AIM2: variants seen among roughly 807,000 people sequenced by gnomAD.
AIM2 encodes the protein absent in melanoma 2, also known as interferon-inducible protein AIM2.
A neutral mutation model predicts 27.7 loss-of-function variants in AIM2; 30 were observed. The ratio of observed to expected loss-of-function variants is 1.08; its 90% CI spans 0.81 to 1.47. The LOEUF is 1.47. AIM2 is among the 40% of genes most tolerant of loss of function. AIM2 has a pLI of 0.00. For missense variants in AIM2, 358 were observed against 411.3 expected (o/e 0.87, Z 1.12); for synonymous variants, 141 against 145.3 (o/e 0.97, Z 0.21).
At chr1:159,062,411 A>T, downstream of AIM2, 1 of 487,014 alleles carries the variant, frequency 2.1e-6, no homozygotes, top group Non-Finnish European at 3.7e-6. Context: ...TATAAACATC[A>T]TATAATACAT....
At chr1:159,101,993 G>T (rs1657322427) in intron 1 of AIM2, among the ~76,000 whole-genome samples, 1 of 149,424 alleles carries the variant, frequency 6.7e-6, no homozygotes, top group South Asian at 2.1e-4. Context: ...AGTAAATGGG[G>T]AAAATGTCTC....
chr1:159,144,576 G>C (rs2102062499), upstream of AIM2, among the ~76,000 whole-genome samples: 1 of 152,186 alleles, frequency 6.6e-6, no homozygotes, highest in Non-Finnish European at 1.5e-5. Flanking sequence ...TAAACTGGCT[G>C]TATGTCATTC....
chr1:159,140,317 A>C (rs895448031), intron 1 of AIM2: 1 of 152,236 alleles, frequency 6.6e-6, no homozygotes, highest in South Asian at 2.1e-4. Context: ...AAAGTACCAT[A>C]CTACTTCAAG....
At chr1:159,134,532 C>A (rs1169098504) in intron 1 of AIM2, among the ~76,000 whole-genome samples, 1 of 152,208 alleles carries the variant, frequency 6.6e-6, no homozygotes, top group East Asian at 1.9e-4. Context: ...ACCAAACTCG[C>A]TTTACAGTCC....
intron 2 of AIM2, among the ~76,000 whole-genome samples, chr1:159,072,787 A>C (rs74122254): frequency 6.6e-6 from 1 of 152,322 alleles, no homozygotes; most frequent in African/African-American, 2.4e-5. Context: ...AGAGGAATAG[A>C]CAGACTGTGT....
chr1:159,084,352 C>CAT (rs1353003683), intron 1 of AIM2, among the ~76,000 whole-genome samples: 1 of 152,130 alleles, frequency 6.6e-6, no homozygotes, highest in Non-Finnish European at 1.5e-5. Context: ...TCTCCTTTCA[C>CAT]ACAGCTCAAA....
At chr1:159,124,456 T>TA (rs1416150045) in intron 1 of AIM2, among the ~76,000 whole-genome samples, 1 of 152,234 alleles carries the variant, frequency 6.6e-6, no homozygotes, top group Non-Finnish European at 1.5e-5. Flanking sequence ...CTAGACTATG[T>TA]AAAACCTCTG....
chr1:159,128,035 T>G (rs553239331), intron 1 of AIM2, among the ~76,000 whole-genome samples: 274 of 152,272 alleles, frequency 1.8e-3, no homozygotes, highest in African/African-American at 6.4e-3. Flanking sequence ...GTTTACTTGT[T>G]TCTGTTTCTT....
At chr1:159,105,263 C>A (rs770641439) in intron 1 of AIM2, among the ~76,000 whole-genome samples, 4 of 152,226 alleles carry the variant, frequency 2.6e-5, no homozygotes, top group Admixed American at 1.3e-4. Context: ...CTGCAACTGG[C>A]GTCTGGACAG....
chr1:159,144,098 C>A (rs1030906315), upstream of AIM2, among the ~76,000 whole-genome samples: 1 of 152,214 alleles, frequency 6.6e-6, no homozygotes, highest in Non-Finnish European at 1.5e-5. Flanking sequence ...GGGGCACTAA[C>A]ATATGCTACT....
chr1:159,108,109 A>G (rs1214002133), intron 1 of AIM2, among the ~76,000 whole-genome samples: 1 of 152,136 alleles, frequency 6.6e-6, no homozygotes, highest in Non-Finnish European at 1.5e-5. Flanking sequence ...AGAAAAGAAA[A>G]CTACAGACCC....
At chr1:159,073,848 G>C (rs1656480194) in intron 1 of AIM2, among the ~76,000 whole-genome samples, 1 of 152,166 alleles carries the variant, frequency 6.6e-6, no homozygotes, top group Admixed American at 6.5e-5. Flanking sequence ...AGACCAGACT[G>C]GCCAATATGG....
intron 1 of AIM2, among the ~76,000 whole-genome samples, chr1:159,101,556 G>C (rs531696458): frequency 2.0e-4 from 31 of 152,322 alleles, no homozygotes; most frequent in African/African-American, 6.7e-4. Context: ...AGTTTGGAAG[G>C]CTCAGAAGAA....
intron 1 of AIM2, among the ~76,000 whole-genome samples, chr1:159,096,067 GC>G (rs1030804047): frequency 2.6e-5 from 4 of 152,264 alleles, no homozygotes; most frequent in African/African-American, 9.6e-5. Flanking sequence ...GTACATCTGG[GC>G]TTTGGGATGA....
chr1:159,111,341 C>G (rs909903209), intron 1 of AIM2, among the ~76,000 whole-genome samples: 2 of 152,142 alleles, frequency 1.3e-5, no homozygotes, highest in Non-Finnish European at 2.9e-5. Flanking sequence ...CATTACAAAG[C>G]AAAGCAAAAT....
At chr1:159,056,939 G>A in the AIM2 span, among the ~76,000 whole-genome samples, 3 of 152,022 alleles carry the variant, frequency 2.0e-5, no homozygotes, top group African/African-American at 7.3e-5. Flanking sequence ...AATGAAAGGT[G>A]TTTTTTCAAA....
chr1:159,067,465 C>T (rs1215860155), intron 3 of AIM2, among the ~76,000 whole-genome samples: 2 of 152,106 alleles, frequency 1.3e-5, no homozygotes, highest in East Asian at 3.9e-4. Flanking sequence ...TCTGATGTGA[C>T]CTGGAGCTTG....
chr1:159,146,868 C>T (rs1308109227), intron 1 of AIM2: 1 of 152,100 alleles, frequency 6.6e-6, no homozygotes, highest in Non-Finnish European at 1.5e-5. Flanking sequence ...TTCTTTTCAC[C>T]AGATTTCATT....
chr1:159,100,929 A>AATG (rs1030310732), intron 1 of AIM2, among the ~76,000 whole-genome samples: 11 of 152,254 alleles, frequency 7.2e-5, no homozygotes, highest in African/African-American at 2.7e-4. Flanking sequence ...TTATAGCTAC[A>AATG]TGGCTTCCAG....
Sources: gnomAD v4.1 joint callset for allele counts (sites outside exome capture counted in the v4.1 genomes callset) on GRCh38, gnomAD v4.1.1 for gene constraint, MANE v1.5 for transcripts, NCBI Gene and HGNC (gene_info 2026-07-23, HGNC 2026-07-21) for gene names.